KIF26B: variants seen among roughly 807,000 people sequenced by gnomAD.
KIF26B encodes the protein kinesin-like protein KIF26B.
KIF26B carries 63 observed loss-of-function variants against 151.2 expected under a neutral mutation model. The observed-to-expected ratio is 0.42, with a 90% CI of 0.34 to 0.51. The LOEUF is 0.51. Among genes scored for constraint, KIF26B ranks in the 20% least tolerant of loss-of-function variants. The probability of loss-of-function intolerance (pLI) is 0.07; values close to 1 mark genes in which losing one functional copy is unlikely to be tolerated. For synonymous variants in KIF26B, 1,357 were observed against 1,262.1 expected, an observed-to-expected ratio of 1.08 and a Z score of -1.59; for missense variants, 2,813 against 2,913.6, an observed-to-expected ratio of 0.97 and a Z score of 0.79.
chr1:245,323,259 T>G (rs1282570656), intron 2 of KIF26B, among the ~76,000 whole-genome samples: 1 of 152,236 alleles, frequency 6.6e-6, no homozygotes, highest in Non-Finnish European at 1.5e-5. Flanking sequence ...AAAGCTCTTT[T>G]GCAGACATTA....
At chr1:245,380,753 T>G (rs918992276) in intron 3 of KIF26B, among the ~76,000 whole-genome samples, 1 of 151,992 alleles carries the variant, frequency 6.6e-6, no homozygotes, top group Non-Finnish European at 1.5e-5. Context: ...GCAGGCCTCC[T>G]GGGGAGGGTT....
In KIF26B at chr1:245,684,312, G is replaced by C; in HGVS notation, c.2338G>C (p.Ala780Pro). The change falls in exon 11 of 15, where the codon GCC becomes CCC. Residue 780 changes from alanine (A) to proline (P), a missense_variant. Ala to Pro is a conservative substitution (Grantham distance 27). Around this residue, in one of 3 missense-constraint regions of KIF26B, gnomAD observed 2,060 missense variants for 2,088.6 expected, o/e 0.99. Coordinates refer to ENST00000407071, the MANE Select transcript of KIF26B (RefSeq NM_018012.4). The part of the protein sequence containing the change: ...CRTTMIAHIS[A>P]AVGSYAETLS... ...TACCACCATGATCGCGCACATCTCG[G>C]CCGCGGTCGGGAGCTACGCGGAGAC... 3 of 1,613,984 alleles carry C rather than the reference G, an allele frequency of 1.9e-6. No homozygotes were observed. The highest frequency in any genetic ancestry group is 1.1e-5 in the South Asian group (1 of 91,070).
In KIF26B at chr1:245,184,050, G is replaced by GTTTTGTTTTTTTTTTGTTTTTTTT. The variant is rs1553332273; in HGVS notation, c.465+27371_465+27372insGTTTTTTTTTTGTTTTTTTTTTTT. Among the ~76,000 whole-genome samples the GTTTTGTTTTTTTTTTGTTTTTTTT allele has an allele frequency of 1.0e-4, 2 of 19,804 alleles. 1 individual carries two copies. Among genetic ancestry groups the GTTTTGTTTTTTTTTTGTTTTTTTT allele is most frequent in the Non-Finnish European group, 2.0e-4 (2 of 10,064 alleles). 13.0% of individuals were successfully genotyped at this position (19,804 alleles called of 152,430 possible). ...GCAACAGGTATGGGTGGGAGTTGTT[G>GTTTTGTTTTTTTTTTGTTTTTTTT]TTTTTTTTTTTTTTTTTTTGAGCTT... On this transcript the variant is annotated intron_variant, in intron 2 of 14. Transcript: ENST00000407071.
At chr1:245,302,988 C>CA (rs74163037) in intron 2 of KIF26B, among the ~76,000 whole-genome samples, 1,148 of 35,706 alleles carry the variant, frequency 0.032, 178 homozygotes, top group African/African-American at 0.09. Flanking sequence ...GACTCTGTCT[C>CA]AAAAAAAAAA....
intron 2 of KIF26B, among the ~76,000 whole-genome samples, chr1:245,231,745 C>T (rs1484608767): frequency 1.3e-5 from 2 of 151,818 alleles, no homozygotes; most frequent in African/African-American, 2.4e-5. Context: ...TCAAAAATAC[C>T]AAGTCACTTA....
At chr1:245,552,583 T>TCA (rs1389097736) in intron 5 of KIF26B, among the ~76,000 whole-genome samples, 1 of 151,694 alleles carries the variant, frequency 6.6e-6, no homozygotes, top group Non-Finnish European at 1.5e-5. Flanking sequence ...GCCTGACAAT[T>TCA]TCCATGCCCT....
chr1:245,664,725 A>T (rs1218845465), intron 10 of KIF26B, among the ~76,000 whole-genome samples: 1 of 152,250 alleles, frequency 6.6e-6, no homozygotes, highest in Non-Finnish European at 1.5e-5. Context: ...ACATTAAAAA[A>T]TAAGCAGAAT....
At chr1:245,566,953 A>G (rs2043016084) in intron 5 of KIF26B, among the ~76,000 whole-genome samples, 1 of 16,262 alleles carries the variant, frequency 6.1e-5, no homozygotes, top group Non-Finnish European at 9.1e-5. Flanking sequence ...ACATGAATAA[A>G]TAAAAAAATA....
At chr1:245,311,059 G>A (rs960454428) in intron 2 of KIF26B, among the ~76,000 whole-genome samples, 3 of 152,136 alleles carry the variant, frequency 2.0e-5, no homozygotes, top group African/African-American at 7.2e-5. Context: ...GTCAACATCA[G>A]CATGAAGCTG....
intron 2 of KIF26B, among the ~76,000 whole-genome samples, chr1:245,316,365 C>T (rs1671775748): frequency 6.6e-6 from 1 of 152,020 alleles, no homozygotes; most frequent in South Asian, 2.1e-4. Flanking sequence ...CCCAGGTGAT[C>T]CGCCTGCCTC....
chr1:245,620,945 T>TA (rs1162529155), intron 9 of KIF26B, among the ~76,000 whole-genome samples: 1 of 152,156 alleles, frequency 6.6e-6, no homozygotes, highest in Non-Finnish European at 1.5e-5. Flanking sequence ...CCACGAGCCC[T>TA]CAGCGTGCTG....
chr1:245,682,816 C>T (rs1038105293), intron 10 of KIF26B, among the ~76,000 whole-genome samples: 1 of 152,236 alleles, frequency 6.6e-6, no homozygotes, highest in Non-Finnish European at 1.5e-5. Flanking sequence ...GAATGTGTGC[C>T]AGGAATGGGG....
At position 245,179,517 on chromosome 1, in the gene KIF26B, G is replaced by A. The variant is rs1011898604; in HGVS notation, c.465+22834G>A. Among the ~76,000 whole-genome samples, 123 of 152,196 alleles carry A rather than the reference G, an allele frequency of 8.1e-4. 2 individuals are homozygous for A. The highest frequency in any genetic ancestry group is 2.8e-3 in the African/African-American group (117 of 41,522). On this transcript the variant is annotated intron_variant, in intron 2 of 14. Transcript: ENST00000407071. ...TGCGCGCCTGTAGTCCCAGCTACTC[G>A]GGAGGCTGAGGCAGGAGAATCACTT...
At chr1:245,168,642 ACATTT>A (rs1668654400) in intron 2 of KIF26B, among the ~76,000 whole-genome samples, 1 of 152,228 alleles carries the variant, frequency 6.6e-6, no homozygotes, top group East Asian at 1.9e-4. Flanking sequence ...AACTCTATAA[ACATTT>A]TATTCATCAT....
chr1:245,567,968 G>A (rs774331232), intron 5 of KIF26B, among the ~76,000 whole-genome samples: 1 of 151,992 alleles, frequency 6.6e-6, no homozygotes, highest in Non-Finnish European at 1.5e-5. Flanking sequence ...CAGATCACCT[G>A]CGGTCTGGAG....
chr1:245,518,758 C>T (rs980860203), intron 4 of KIF26B, among the ~76,000 whole-genome samples: 6 of 152,096 alleles, frequency 3.9e-5, no homozygotes, highest in African/African-American at 9.7e-5. Flanking sequence ...CAGAACGCCG[C>T]GGTGGTTACA....
chr1:245,687,386 G>A lies in KIF26B; in HGVS notation c.4403G>A (p.Gly1468Asp), dbSNP rs777143741. The A allele has an allele frequency of 2.1e-5, 33 of 1,587,950 alleles. No homozygotes were observed. The Admixed American group carries it at 5.9e-4, about 29-fold the overall frequency. The change falls in exon 12 of 15, where the codon GGC becomes GAC. Residue 1468 changes from glycine (G) to aspartate (D), a missense_variant. Coordinates refer to ENST00000407071, the MANE Select transcript of KIF26B (RefSeq NM_018012.4). This position sits in a 1 kb window ranked among gnomAD's most constrained non-coding sequence, Gnocchi z 4.9. ...ATGATGAGGTGTGAGACTGCCACGG[G>A]CCCCTCGAATGCTGAGACCAGAGCA... ...EGMMRCETAT[G>D]PSNAETRAEQ...
At chr1:245,651,375 A>C (rs955526014) in intron 10 of KIF26B, among the ~76,000 whole-genome samples, 1 of 152,214 alleles carries the variant, frequency 6.6e-6, no homozygotes, top group Non-Finnish European at 1.5e-5. Flanking sequence ...TGTGGGTCAC[A>C]CTTGTGGCAG....
chr1:245,189,828 TCA>T (rs1284466054), intron 2 of KIF26B, among the ~76,000 whole-genome samples: 2 of 152,212 alleles, frequency 1.3e-5, no homozygotes, highest in Non-Finnish European at 2.9e-5. Context: ...TTTAATGGAC[TCA>T]CAGTTCCATG....
Sources: allele counts gnomAD v4.1 joint callset (sites outside exome capture counted in the v4.1 genomes callset), GRCh38; gene constraint gnomAD v4.1.1; regional missense constraint gnomAD v4.1.1; non-coding constraint Gnocchi (gnomAD v3.1); transcripts MANE v1.5; gene names NCBI Gene and HGNC (gene_info 2026-07-23, HGNC 2026-07-21).